Variants in BPNT1 observed in about 807,000 individuals in gnomAD.
The protein encoded by BPNT1 is 3'(2'),5'-bisphosphate nucleotidase 1.
A neutral mutation model predicts 36.9 loss-of-function variants in BPNT1; 28 were observed. The ratio of observed to expected loss-of-function variants is 0.76; its 90% CI spans 0.56 to 1.04. The LOEUF (loss-of-function observed/expected upper bound fraction) is 1.04. BPNT1 is among the 50% of genes least tolerant of loss of function. BPNT1 has a pLI of 0.00. For synonymous variants in BPNT1, 119 were observed against 130.9 expected, an observed-to-expected ratio of 0.91 and a Z score of 0.62; for missense variants, 313 against 372.9, an observed-to-expected ratio of 0.84 and a Z score of 1.32.
intron 8 of BPNT1, 59 bp from the exon 9 acceptor site, chr1:220,059,051 T>A: frequency 6.3e-7 from 1 of 1,581,074 alleles, no homozygotes; most frequent in Non-Finnish European, 8.6e-7. Flanking sequence ...GTGGTTTTTC[T>A]AGTTATTTTT....
At chr1:220,064,335 T>C (rs1406226679) in intron 6 of BPNT1, among the ~76,000 whole-genome samples, 4 of 152,164 alleles carry the variant, frequency 2.6e-5, no homozygotes, top group Non-Finnish European at 5.9e-5. Flanking sequence ...GAAATATACT[T>C]AGGTCGCAGG....
At chr1:220,067,776 CAG>C (rs1663672683) in intron 5 of BPNT1, among the ~76,000 whole-genome samples, 2 of 152,188 alleles carry the variant, frequency 1.3e-5, no homozygotes, top group South Asian at 4.1e-4. Flanking sequence ...GCCTTTAAAA[CAG>C]AGTTTCTCAA....
intron 5 of BPNT1, among the ~76,000 whole-genome samples, chr1:220,068,388 T>C (rs556552475): frequency 1.3e-3 from 193 of 152,030 alleles, no homozygotes; most frequent in African/African-American, 4.5e-3. Context: ...TTCACCATGT[T>C]GGCCAGGCTG....
intron 2 of BPNT1, among the ~76,000 whole-genome samples, chr1:220,077,470 A>G (rs540430403): frequency 1.3e-5 from 2 of 152,064 alleles, no homozygotes; most frequent in South Asian, 4.2e-4. Flanking sequence ...GTGGGATCAC[A>G]GGTCACTGCA....
At chr1:220,084,162 C>A (rs1223538605) in intron 1 of BPNT1, among the ~76,000 whole-genome samples, 3 of 151,988 alleles carry the variant, frequency 2.0e-5, no homozygotes, top group Non-Finnish European at 4.4e-5. Context: ...GAAACCCAGT[C>A]TCTACTAAAA....
intron 7 of BPNT1, among the ~76,000 whole-genome samples, chr1:220,060,023 C>CA (rs1662878237): frequency 6.6e-6 from 1 of 152,038 alleles, no homozygotes; most frequent in Non-Finnish European, 1.5e-5. Context: ...AAATAATGGT[C>CA]AAAAAAGCTA....
intron 4 of BPNT1, among the ~76,000 whole-genome samples, chr1:220,072,537 A>G (rs1382629470): frequency 6.6e-6 from 1 of 151,964 alleles, no homozygotes; most frequent in Non-Finnish European, 1.5e-5. Context: ...CTGGTCTCGA[A>G]CTCCTAGACT....
chr1:220,088,031 C>G (rs1230672793), intron 1 of BPNT1, among the ~76,000 whole-genome samples: 1 of 152,030 alleles, frequency 6.6e-6, no homozygotes, highest in Non-Finnish European at 1.5e-5. Flanking sequence ...GCAAGCATCT[C>G]CACACCTGGC....
At chr1:220,070,960 A>G (rs1296710433) in intron 4 of BPNT1, among the ~76,000 whole-genome samples, 1 of 150,822 alleles carries the variant, frequency 6.6e-6, no homozygotes, top group Non-Finnish European at 1.5e-5. Flanking sequence ...CAACATGGAG[A>G]ATCCCCGTCT....
rs866575183 is a variant in BPNT1 at position 220,084,095 on chromosome 1, G to A, written c.-8-4241C>T. ...CGCATGTAATCCCAGCACTATGGGAGGCCGAGGTGGGTGGATCACGAGGTC... is the reference window on the plus strand; with the variant it reads ...CGCATGTAATCCCAGCACTATGGGAAGCCGAGGTGGGTGGATCACGAGGTC... On this transcript the variant is annotated intron_variant, in intron 1 of 8. Coordinates refer to ENST00000322067, the MANE Select transcript of BPNT1 (RefSeq NM_006085.6). 9.2e-5 allele frequency among the ~76,000 whole-genome samples: 14 copies of A among 152,236 alleles called. No homozygotes were observed. In the Middle Eastern group the frequency reaches 0.01, roughly 111 times the overall value.
At chr1:220,059,330 C>A (rs1482509676) in intron 8 of BPNT1, among the ~76,000 whole-genome samples, 1 of 125,790 alleles carries the variant, frequency 7.9e-6, no homozygotes, top group East Asian at 2.5e-4. Context: ...AACCTCGGTT[C>A]ACTACAAGCC....
intron 2 of BPNT1, among the ~76,000 whole-genome samples, chr1:220,076,646 T>C (rs1571780416): frequency 2.0e-5 from 3 of 149,940 alleles, no homozygotes; most frequent in Admixed American, 6.7e-5. Context: ...GATAACGCCA[T>C]TGCACTCCAG....
At chr1:220,073,170 T>C (rs1664222488) in intron 3 of BPNT1, among the ~76,000 whole-genome samples, 2 of 152,268 alleles carry the variant, frequency 1.3e-5, no homozygotes, top group East Asian at 1.9e-4. Flanking sequence ...AGTGTCATTA[T>C]ACTGAAGAGA....
At chr1:220,082,079 T>TAGAG (rs1262791343) in intron 1 of BPNT1, among the ~76,000 whole-genome samples, 58 of 110,540 alleles carry the variant, frequency 5.2e-4, no homozygotes, top group African/African-American at 1.5e-3. Context: ...TATATATATA[T>TAGAG]ATATATAGAG....
At chr1:220,070,312 G>A (rs1036482324) in intron 4 of BPNT1, among the ~76,000 whole-genome samples, 4 of 152,072 alleles carry the variant, frequency 2.6e-5, no homozygotes, top group Non-Finnish European at 4.4e-5. Context: ...GTGAGGGCAT[G>A]TTTCTGATGG....
At chr1:220,069,978 C>T (rs183366219) in intron 4 of BPNT1, among the ~76,000 whole-genome samples, 315 of 152,074 alleles carry the variant, frequency 2.1e-3, no homozygotes, top group African/African-American at 7.3e-3. Flanking sequence ...ACATGAAATG[C>T]TTAACTGATA....
chr1:220,059,437 AG>A (rs1419505581), intron 8 of BPNT1, among the ~76,000 whole-genome samples: 1 of 151,312 alleles, frequency 6.6e-6, no homozygotes, highest in Non-Finnish European at 1.5e-5. Context: ...GCTATAAATA[AG>A]GGCTAAATTA....
chr1:220,066,803 C>A (rs1040081035), intron 6 of BPNT1, among the ~76,000 whole-genome samples: 1 of 152,150 alleles, frequency 6.6e-6, no homozygotes, highest in South Asian at 2.1e-4. Flanking sequence ...CGCTACACAG[C>A]GTTACCTGGA....
In BPNT1 at chr1:220,057,994, G is replaced by A. The variant is rs546782552; in HGVS notation, c.*850C>T. 13 of 604,722 alleles carry A rather than the reference G, an allele frequency of 2.1e-5. No individual in the cohort carries two copies. Among genetic ancestry groups the A allele is most frequent in the East Asian group, 1.5e-4 (2 of 13,074 alleles). 37.5% of individuals were successfully genotyped at this position (604,722 alleles called of 1,614,324 possible). On this transcript the variant is annotated 3_prime_UTR_variant, in exon 9 of 9. Coordinates refer to ENST00000322067, the MANE Select transcript of BPNT1 (RefSeq NM_006085.6). Reference sequence around the variant, plus strand: ...AGATCAAGACCATCCTGGCTAACACGGTGAAACACCTTCTCTACTAAAAAT... The same window carrying A: ...AGATCAAGACCATCCTGGCTAACACAGTGAAACACCTTCTCTACTAAAAAT...
Sources: allele counts gnomAD v4.1 joint callset (sites outside exome capture counted in the v4.1 genomes callset), GRCh38; gene constraint gnomAD v4.1.1; transcripts MANE v1.5; gene names NCBI Gene and HGNC (gene_info 2026-07-23, HGNC 2026-07-21).